CNTNAP2: variants seen among roughly 807,000 people sequenced by gnomAD.
CNTNAP2 encodes contactin-associated protein-like 2.
In CNTNAP2, 98 loss-of-function variants were observed where a neutral mutation model predicts 155.2. That is an observed-to-expected ratio of 0.63 (90% CI 0.54 to 0.75). The LOEUF is 0.75. Among genes scored for constraint, CNTNAP2 ranks in the 30% least tolerant of loss-of-function variants. The pLI is 0.00. For missense variants in CNTNAP2, 1,727 were observed against 1,688.1 expected, an observed-to-expected ratio of 1.02 and a Z score of -0.40; for synonymous variants, 651 against 631.2, an observed-to-expected ratio of 1.03 and a Z score of -0.47.
intron 1 of CNTNAP2, among the ~76,000 whole-genome samples, chr7:146,586,030 A>G (rs929218147): frequency 1.3e-5 from 2 of 151,360 alleles, no homozygotes; most frequent in South Asian, 4.2e-4. Flanking sequence ...ACAAAACAAA[A>G]CAAACAAAAG....
intron 1 of CNTNAP2, among the ~76,000 whole-genome samples, chr7:146,406,963 A>C (rs887501103): frequency 1.3e-5 from 2 of 152,176 alleles, no homozygotes; most frequent in African/African-American, 4.8e-5. Context: ...GTTAGTCCTT[A>C]TTTTCATAGA....
chr7:147,885,780 C>T (rs1403676204), intron 13 of CNTNAP2, among the ~76,000 whole-genome samples: 1 of 152,190 alleles, frequency 6.6e-6, no homozygotes, highest in Non-Finnish European at 1.5e-5. Context: ...ACACTCACCG[C>T]TCGTTTACCT....
At chr7:146,222,015 A>G (rs1418592546) in intron 1 of CNTNAP2, among the ~76,000 whole-genome samples, 1 of 152,196 alleles carries the variant, frequency 6.6e-6, no homozygotes, top group Non-Finnish European at 1.5e-5. Context: ...CAAAAGAGAA[A>G]AGGAAGGAAG....
chr7:146,248,724 G>A (rs535984281), intron 1 of CNTNAP2, among the ~76,000 whole-genome samples: 2 of 152,254 alleles, frequency 1.3e-5, no homozygotes, highest in African/African-American at 2.4e-5. Context: ...ACCTGAGGTC[G>A]TACGTGGATC....
chr7:146,439,658 G>T (rs1313191057), intron 1 of CNTNAP2, among the ~76,000 whole-genome samples: 2 of 151,372 alleles, frequency 1.3e-5, no homozygotes, highest in African/African-American at 4.9e-5. Flanking sequence ...CCACAAAACA[G>T]AATTTTTTCC....
intron 1 of CNTNAP2, among the ~76,000 whole-genome samples, chr7:146,303,340 A>T (rs1419841951): frequency 6.6e-6 from 1 of 152,102 alleles, no homozygotes; most frequent in African/African-American, 2.4e-5. Context: ...GTCTCAAATC[A>T]TGTACCCTCC....
intron 15 of CNTNAP2, among the ~76,000 whole-genome samples, chr7:148,094,603 A>G (rs1803922898): frequency 6.6e-6 from 1 of 152,218 alleles, no homozygotes; most frequent in African/African-American, 2.4e-5. Flanking sequence ...GGATGACTGG[A>G]GAGACTTTGG....
chr7:148,196,692 T>A (rs1795283735), intron 18 of CNTNAP2, among the ~76,000 whole-genome samples: 1 of 152,208 alleles, frequency 6.6e-6, no homozygotes, highest in Non-Finnish European at 1.5e-5. Flanking sequence ...AAGTGACCCA[T>A]CTCTTTGGCA....
At chr7:147,851,649 C>G (rs1798943724) in intron 13 of CNTNAP2, among the ~76,000 whole-genome samples, 2 of 151,426 alleles carry the variant, frequency 1.3e-5, no homozygotes, top group South Asian at 4.2e-4. Flanking sequence ...TCTCAGCAAA[C>G]TATCACAAGG....
At chr7:147,325,693 C>T (rs35787845) in intron 9 of CNTNAP2, among the ~76,000 whole-genome samples, 4,966 of 152,202 alleles carry the variant, frequency 0.033, 114 homozygotes, top group South Asian at 0.051. Flanking sequence ...GTTGAATACA[C>T]AGAATGTAAT....
intron 20 of CNTNAP2, among the ~76,000 whole-genome samples, chr7:148,253,918 C>T (rs1159371802): frequency 6.6e-6 from 1 of 152,110 alleles, no homozygotes; most frequent in Non-Finnish European, 1.5e-5. Flanking sequence ...TTGTGGTCAG[C>T]TCTGAGGAAC....
Position 147,300,256 on chromosome 7 carries a change from T to C in CNTNAP2, c.1464T>C (p.Leu488=). Residue 488 remains leucine, a synonymous_variant, in exon 9 of 24, where the codon CTT becomes CTC. Coordinates refer to ENST00000361727, the MANE Select transcript of CNTNAP2 (RefSeq NM_014141.6). ...EASAVRTNSP[L]QVKTGEKYFF... ...CAGCAGTTCGAACTAATAGTCCCCT[T>C]CAAGTTAAAACTGGCGAGAAGTACT... 6.2e-7 allele frequency: 1 copy of C among 1,613,950 alleles called. No individual in the cohort carries two copies. Among genetic ancestry groups the C allele is most frequent in the Non-Finnish European group, 8.5e-7 (1 of 1,179,900 alleles).
At chr7:146,831,874 T>A (rs1175096886) in intron 2 of CNTNAP2, among the ~76,000 whole-genome samples, 1 of 152,096 alleles carries the variant, frequency 6.6e-6, no homozygotes, top group Non-Finnish European at 1.5e-5. Flanking sequence ...GATAGTATTA[T>A]ATCTTCTTTC....
chr7:146,345,184 T>G (rs1047196888), intron 1 of CNTNAP2, among the ~76,000 whole-genome samples: 1 of 152,206 alleles, frequency 6.6e-6, no homozygotes, highest in Non-Finnish European at 1.5e-5. Flanking sequence ...GATATAAAAT[T>G]GACAAGAGAT....
chr7:146,734,467 A>G (rs1801577593), intron 1 of CNTNAP2, among the ~76,000 whole-genome samples: 1 of 152,156 alleles, frequency 6.6e-6, no homozygotes, highest in South Asian at 2.1e-4. Context: ...CTAGTTCAAA[A>G]TCTATAAGAA....
At chr7:146,441,810 T>C (rs1796324346) in intron 1 of CNTNAP2, among the ~76,000 whole-genome samples, 1 of 151,480 alleles carries the variant, frequency 6.6e-6, no homozygotes, top group African/African-American at 2.5e-5. Context: ...TGATCAGATA[T>C]TTACTAGTTT....
At chr7:146,673,346 TAAAG>T (rs1359855619) in intron 1 of CNTNAP2, among the ~76,000 whole-genome samples, 4 of 152,184 alleles carry the variant, frequency 2.6e-5, no homozygotes, top group African/African-American at 7.2e-5. Context: ...ATGTCATACA[TAAAG>T]AAACACTTAA....
At chr7:146,963,364 A>G (rs1490465378) in intron 3 of CNTNAP2, among the ~76,000 whole-genome samples, 1 of 152,184 alleles carries the variant, frequency 6.6e-6, no homozygotes, top group Non-Finnish European at 1.5e-5. Context: ...TAATGCCATG[A>G]AATTTAGCCA....
intron 1 of CNTNAP2, among the ~76,000 whole-genome samples, chr7:146,120,438 C>T (rs1193749812): frequency 2.6e-5 from 4 of 152,106 alleles, no homozygotes; most frequent in African/African-American, 9.7e-5. Context: ...TCAAATTTTA[C>T]TCTTTACCAT....
Sources: gnomAD v4.1 joint callset for allele counts (sites outside exome capture counted in the v4.1 genomes callset) on GRCh38, gnomAD v4.1.1 for gene constraint, MANE v1.5 for transcripts, NCBI Gene and HGNC (gene_info 2026-07-23, HGNC 2026-07-21) for gene names.